Variants in FOXK1 observed in about 807,000 individuals in gnomAD.
FOXK1 encodes forkhead box protein K1.
Under a neutral mutation model 51.9 loss-of-function variants are expected in FOXK1, and 19 were observed. The ratio of observed to expected loss-of-function variants is 0.37; its 90% CI spans 0.26 to 0.54. The LOEUF (loss-of-function observed/expected upper bound fraction) is 0.54, where lower values mean the gene tolerates loss of function less well. Among genes scored for constraint, FOXK1 ranks in the 20% least tolerant of loss-of-function variants. FOXK1 has a pLI of 0.87. For missense variants in FOXK1, 870 were observed against 1,032.7 expected (o/e 0.84, Z 2.16); for synonymous variants, 537 against 482.6 (o/e 1.11, Z -1.48).
chr7:4,754,955 C>T (rs1042646313), intron 3 of FOXK1: 2 of 560,666 alleles, frequency 3.6e-6, no homozygotes, highest in Non-Finnish European at 3.2e-6. Context: ...TGTCTTAGTT[C>T]ATTTTTGTCC....
At chr7:4,732,242 C>T (rs1211535824) in intron 1 of FOXK1, among the ~76,000 whole-genome samples, 3 of 152,230 alleles carry the variant, frequency 2.0e-5, no homozygotes, top group African/African-American at 4.8e-5. Context: ...TCTGATTATG[C>T]ACCATCATTA....
Position 4,728,648 on chromosome 7 carries a change from T to C in FOXK1, c.561-12190T>C, listed in dbSNP as rs1780410988. ...GTGCAAGCCTATACTTCTGGCACTT[T>C]GGGAGGCTGTGGCAGGAGGATCACT... On this transcript the variant is annotated intron_variant, in intron 1 of 8. Transcript: ENST00000328914. Among the ~76,000 whole-genome samples, 3 of 137,160 alleles carry C rather than the reference T, an allele frequency of 2.2e-5. No individual in the cohort carries two copies. The Admixed American group carries it at 2.4e-4, about 11-fold the overall frequency. The allele number at this position is 137,160 out of a possible 152,430, so 90.0% of individuals were successfully genotyped here. A position where few individuals can be genotyped will look rare whatever the true frequency, so the allele number is the denominator to read the frequency against.
intron 1 of FOXK1, among the ~76,000 whole-genome samples, chr7:4,700,780 A>G (rs1442714267): frequency 6.6e-6 from 1 of 152,020 alleles, no homozygotes; most frequent in African/African-American, 2.4e-5. Context: ...TCGCACCACT[A>G]CACTGCAGCC....
chr7:4,755,625 G>T lies in FOXK1; in HGVS notation c.1050+242G>T, dbSNP rs1318324519. ...TGCACACCTGTGGTCGCAGCTACTC[G>T]GAGGCTGAGGTGGGAGGATCACTTG... is the stretch of plus-strand genomic sequence containing the variant. On this transcript the variant is annotated intron_variant, in intron 4 of 8. Transcript: ENST00000328914. The surrounding 1 kb of genome is among the most constrained non-coding windows in gnomAD (Gnocchi z 6.6). Among the ~76,000 whole-genome samples, 7 of 152,178 alleles carry T rather than the reference G, an allele frequency of 4.6e-5. No homozygotes were observed. Among genetic ancestry groups the T allele is most frequent in the Admixed American group, 3.3e-4 (5 of 15,278 alleles).
chr7:4,763,095 A>G lies in FOXK1; in HGVS notation c.*631A>G, dbSNP rs989430745. ...TCATTGTACACCTGAGACAGACACA[A>G]AAGGGATCATGTATTTTTGAGGATT... On this transcript the variant is annotated 3_prime_UTR_variant, in exon 9 of 9. Coordinates refer to ENST00000328914, the MANE Select transcript of FOXK1 (RefSeq NM_001037165.2). 1 of 152,988 alleles carries G rather than the reference A, an allele frequency of 6.5e-6. No individual in the cohort carries two copies. The highest frequency in any genetic ancestry group is 2.4e-5 in the African/African-American group (1 of 41,444). 9.5% of individuals were successfully genotyped at this position (152,988 alleles called of 1,614,324 possible). A position where few individuals can be genotyped will look rare whatever the true frequency, so the allele number is the denominator to read the frequency against.
chr7:4,745,539 G>A lies in FOXK1; in HGVS notation c.746+4516G>A, dbSNP rs1780692180. 6.6e-6 allele frequency among the ~76,000 whole-genome samples: 1 copy of A among 152,054 alleles called. No homozygotes were observed. Among genetic ancestry groups the A allele is most frequent in the African/African-American group, 2.4e-5 (1 of 41,392 alleles). The stretch of plus-strand genomic sequence containing the variant: ...GAAGTACTCCACCCAGAAAATGAAT[G>A]AACTCTCTTTGAAATAAATTCTGCT... On this transcript the variant is annotated intron_variant, in intron 2 of 8. Transcript: ENST00000328914. This position sits in a 1 kb window ranked among gnomAD's most constrained non-coding sequence, Gnocchi z 4.3.
At chr7:4,746,988 G>A (rs1300900987) in intron 2 of FOXK1, among the ~76,000 whole-genome samples, 2 of 152,210 alleles carry the variant, frequency 1.3e-5, no homozygotes, top group Non-Finnish European at 2.9e-5. Context: ...GGGAAGGTTG[G>A]GACTTTCTGT....
Position 4,748,534 on chromosome 7 carries a change from G to T in FOXK1, c.747-5925G>T, listed in dbSNP as rs1039980248. On this transcript the variant is annotated intron_variant, in intron 2 of 8. Transcript: ENST00000328914. This position sits in a 1 kb window ranked among gnomAD's most constrained non-coding sequence, Gnocchi z 4.9. ...CCTTTACTGTGAAGGCCTTCCTCTG[G>T]GGCCCCTCTGACCATGGGATCATCT... 1.3e-5 allele frequency among the ~76,000 whole-genome samples: 2 copies of T among 152,056 alleles called. No individual in the cohort carries two copies. The highest frequency in any genetic ancestry group is 4.8e-5 in the African/African-American group (2 of 41,404).
rs191588172 is a variant in FOXK1 at position 4,749,756 on chromosome 7, G to A, written c.747-4703G>A. ...GCATTGAGGGTGGACTGGAAGGACC[G>A]CAGCCCTGTGCCCTGGGGAAGGCTT... is the stretch of plus-strand genomic sequence containing the variant. On this transcript the variant is annotated intron_variant, in intron 2 of 8. Coordinates refer to ENST00000328914, the MANE Select transcript of FOXK1 (RefSeq NM_001037165.2). This position sits in a 1 kb window ranked among gnomAD's most constrained non-coding sequence, Gnocchi z 6.0. Among the ~76,000 whole-genome samples the A allele has an allele frequency of 1.4e-4, 21 of 152,342 alleles. No homozygotes were observed. The highest frequency in any genetic ancestry group is 4.6e-4 in the African/African-American group (19 of 41,586).
chr7:4,723,614 C>T lies in FOXK1; in HGVS notation c.561-17224C>T, dbSNP rs954894997. On this transcript the variant is annotated intron_variant, in intron 1 of 8. Transcript: ENST00000328914. The surrounding 1 kb of genome is among the most constrained non-coding windows in gnomAD (Gnocchi z 4.7). ...ACAATCGCCACGGCACAGGACCGAG[C>T]GTGGAGAGTTGCAGCAGTGCAGGAA... Among the ~76,000 whole-genome samples, 11 of 152,148 alleles carry T rather than the reference C, an allele frequency of 7.2e-5. No homozygotes were observed. Among genetic ancestry groups the T allele is most frequent in the African/African-American group, 1.9e-4 (8 of 41,416 alleles).
chr7:4,740,146 A>T (rs1474644311), intron 1 of FOXK1, among the ~76,000 whole-genome samples: 2 of 151,886 alleles, frequency 1.3e-5, no homozygotes, highest in Non-Finnish European at 2.9e-5. Flanking sequence ...AATGCAAAAA[A>T]TTGGCCAGGC....
Position 4,770,681 on chromosome 7 carries a change from G to C in FOXK1, c.*8217G>C, listed in dbSNP as rs915015042. The stretch of plus-strand genomic sequence containing the variant: ...GGAGAGACAACAGCCGTGTTCCAGA[G>C]TCTGTCCTGAGATGTCGCTGAGTCC... On this transcript the variant is annotated 3_prime_UTR_variant, in exon 9 of 9. Transcript: ENST00000328914. 2 of 152,194 alleles carry C rather than the reference G, an allele frequency of 1.3e-5. No individual in the cohort carries two copies. Among genetic ancestry groups the C allele is most frequent in the Non-Finnish European group, 2.9e-5 (2 of 68,072 alleles). 9.4% of individuals were successfully genotyped at this position (152,194 alleles called of 1,614,324 possible). A position where few individuals can be genotyped will look rare whatever the true frequency, so the allele number is the denominator to read the frequency against.
Position 4,705,550 on chromosome 7 carries a change from T to G in FOXK1, c.560+22682T>G, listed in dbSNP as rs1057510039. Reference sequence around the variant, plus strand: ...CTCTCTCTCTCTCTCTCTCTCTCTCTCTCTCTCTCGCTCTCGCTCTCTCGT... The same window carrying G: ...CTCTCTCTCTCTCTCTCTCTCTCTCGCTCTCTCTCGCTCTCGCTCTCTCGT... On this transcript the variant is annotated intron_variant, in intron 1 of 8. Transcript: ENST00000328914. Among the ~76,000 whole-genome samples the G allele has an allele frequency of 1.0e-4, 15 of 149,376 alleles. No homozygotes were observed. In the East Asian group the frequency reaches 2.4e-3, roughly 24 times the overall value.
At chr7:4,754,233 C>T (rs1210231492) in intron 2 of FOXK1, among the ~76,000 whole-genome samples, 4 of 152,238 alleles carry the variant, frequency 2.6e-5, no homozygotes, top group Non-Finnish European at 4.4e-5. Context: ...GCGGTGCTCT[C>T]AGCCCCCGAG....
At chr7:4,685,450 G>A (rs886641437) in intron 1 of FOXK1, among the ~76,000 whole-genome samples, 17 of 151,546 alleles carry the variant, frequency 1.1e-4, no homozygotes, top group African/African-American at 3.6e-4. Flanking sequence ...TCCTGACCTC[G>A]TGATCTGCCT....
chr7:4,721,002 C>A (rs1318247360), intron 1 of FOXK1, among the ~76,000 whole-genome samples: 2 of 151,932 alleles, frequency 1.3e-5, no homozygotes, highest in Admixed American at 1.3e-4. Context: ...CTCGGCCTCC[C>A]AAATTTAGCT....
rs1780712343 is a variant in FOXK1 at position 4,747,077 on chromosome 7, A to G, written c.746+6054A>G. On this transcript the variant is annotated intron_variant, in intron 2 of 8. Transcript: ENST00000328914. The surrounding 1 kb of genome is among the most constrained non-coding windows in gnomAD (Gnocchi z 9.2). Reference sequence around the variant, plus strand: ...CTAAAGTGTTGGGAGTTCGGAATGAAGCTTGGTAGGGAAGTCCTTGTGTTT... The same window carrying G: ...CTAAAGTGTTGGGAGTTCGGAATGAGGCTTGGTAGGGAAGTCCTTGTGTTT... Among the ~76,000 whole-genome samples the G allele has an allele frequency of 6.6e-6, 1 of 152,086 alleles. No homozygotes were observed. Among genetic ancestry groups the G allele is most frequent in the Non-Finnish European group, 1.5e-5 (1 of 68,018 alleles).
intron 1 of FOXK1, among the ~76,000 whole-genome samples, chr7:4,736,847 T>C (rs1022538100): frequency 2.0e-5 from 3 of 152,234 alleles, no homozygotes; most frequent in African/African-American, 7.2e-5. Flanking sequence ...TCTCTTTTGG[T>C]GGCGTTCACC....
intron 1 of FOXK1, among the ~76,000 whole-genome samples, chr7:4,717,850 G>A (rs1780256114): frequency 1.3e-5 from 2 of 152,222 alleles, no homozygotes; most frequent in Admixed American, 6.5e-5. Context: ...GACCACCGCC[G>A]TGTGTTGCCC....
Sources: allele counts gnomAD v4.1 joint callset (sites outside exome capture counted in the v4.1 genomes callset), GRCh38; gene constraint gnomAD v4.1.1; non-coding constraint Gnocchi (gnomAD v3.1); transcripts MANE v1.5; gene names NCBI Gene and HGNC (gene_info 2026-07-23, HGNC 2026-07-21).